NUP188: variants seen among roughly 807,000 people sequenced by gnomAD.
NUP188 encodes the protein nucleoporin NUP188.
A neutral mutation model predicts 223.0 loss-of-function variants in NUP188; 97 were observed. The observed-to-expected ratio is 0.43, with a 90% CI of 0.37 to 0.51. The LOEUF is 0.51. Among genes scored for constraint, NUP188 ranks in the 20% least tolerant of loss-of-function variants. The pLI, the probability that NUP188 is intolerant of heterozygous loss-of-function variation, is 0.00. For missense variants in NUP188, 1,947 were observed against 2,175.6 expected (o/e 0.89, Z 2.09); for synonymous variants, 869 against 828.0 (o/e 1.05, Z -0.85).
chr9:128,986,005 C>T (rs1303774804), intron 20 of NUP188, among the ~76,000 whole-genome samples: 1 of 152,050 alleles, frequency 6.6e-6, no homozygotes, highest in East Asian at 1.9e-4. Flanking sequence ...CGCCATTGCA[C>T]TCCAGCCTAG....
chr9:128,948,918 G>A (rs1018865097), intron 1 of NUP188: 9 of 226,506 alleles, frequency 4.0e-5, no homozygotes, highest in African/African-American at 2.1e-4. Flanking sequence ...GTAGAGACAG[G>A]GTTTCACTGT....
chr9:128,976,720 G>A (rs1260020862), intron 12 of NUP188, among the ~76,000 whole-genome samples: 3 of 151,764 alleles, frequency 2.0e-5, no homozygotes, highest in Admixed American at 2.0e-4. Flanking sequence ...ATAGAACAAG[G>A]TTTGTGTACT....
At chr9:128,957,113 C>A in intron 5 of NUP188, 81 bp downstream of exon 5, 3 of 975,102 alleles carry the variant, frequency 3.1e-6, no homozygotes, top group South Asian at 3.1e-5. Context: ...ATTTTGGCAC[C>A]AATTCTTTTA....
At chr9:128,949,392 G>A in intron 2 of NUP188, 149 bp downstream of exon 2, 2 of 597,488 alleles carry the variant, frequency 3.3e-6, no homozygotes, top group Non-Finnish European at 6.0e-6. Context: ...GAGTGCAATG[G>A]CGTGATCTCG....
chr9:128,971,902 G>A (rs896195531), intron 11 of NUP188, among the ~76,000 whole-genome samples: 1 of 152,120 alleles, frequency 6.6e-6, no homozygotes, highest in Non-Finnish European at 1.5e-5. Context: ...CTCCCAAGTA[G>A]CTGGGATTAC....
intron 11 of NUP188, among the ~76,000 whole-genome samples, chr9:128,971,217 A>G (rs1842100238): frequency 6.6e-6 from 1 of 152,190 alleles, no homozygotes; most frequent in African/African-American, 2.4e-5. Flanking sequence ...TAATTTGCCC[A>G]AAGCAACAAA....
At chr9:128,979,154 T>G in intron 12 of NUP188, 108 bp from the exon 13 acceptor site, 1 of 726,314 alleles carries the variant, frequency 1.4e-6, no homozygotes. Context: ...TCTTCCCACT[T>G]TAGTGTTTAT....
chr9:128,975,457 C>T (rs1412878343), intron 12 of NUP188, among the ~76,000 whole-genome samples: 3 of 151,298 alleles, frequency 2.0e-5, no homozygotes, highest in Admixed American at 1.3e-4. Context: ...TTCCTGACCT[C>T]GTGATCCGCC....
chr9:128,969,201 G>A (rs12337718), intron 9 of NUP188, among the ~76,000 whole-genome samples, 199 bp from the exon 10 acceptor site: 5,903 of 152,172 alleles, frequency 0.039, 376 homozygotes, highest in African/African-American at 0.13. Context: ...GTGTCACTTT[G>A]TTGTCCAAGA....
At chr9:128,971,943 T>C (rs900356583) in intron 11 of NUP188, among the ~76,000 whole-genome samples, 1 of 152,110 alleles carries the variant, frequency 6.6e-6, no homozygotes, top group Non-Finnish European at 1.5e-5. Context: ...GGCTATTTTT[T>C]GTATTTGTAG....
intron 38 of NUP188, 112 bp downstream of exon 38, chr9:129,003,566 CT>C: frequency 1.5e-6 from 2 of 1,303,590 alleles, no homozygotes; most frequent in Non-Finnish European, 2.2e-6. Context: ...TGAACGGGGG[CT>C]TTTCCCTTGG....
intron 41 of NUP188, 50 bp from the exon 42 acceptor site, chr9:129,006,000 A>C: frequency 6.3e-7 from 1 of 1,596,708 alleles, no homozygotes. Flanking sequence ...GCTCTCAGTA[A>C]GTGGGAGCTG....
chr9:128,954,381 GTCT>G (rs1328765304), intron 3 of NUP188, among the ~76,000 whole-genome samples: 94 of 124,248 alleles, frequency 7.6e-4, no homozygotes, highest in Non-Finnish European at 1.2e-3. Flanking sequence ...CAATGTCTTA[GTCT>G]TTTTTTTTTT....
At chr9:128,998,673 G>A (rs751217562) in intron 32 of NUP188, 50 bp downstream of exon 32, 2 of 1,431,216 alleles carry the variant, frequency 1.4e-6, no homozygotes, top group Admixed American at 1.7e-5. Context: ...CTTCTTGTCA[G>A]TGCCTGCTTG....
intron 34 of NUP188, 93 bp from the exon 35 acceptor site, chr9:129,001,436 G>A (rs1842663953): frequency 3.5e-6 from 4 of 1,129,626 alleles, no homozygotes; most frequent in Non-Finnish European, 5.3e-6. Flanking sequence ...GTGTAACCAA[G>A]CAGGTCTTGG....
chr9:129,006,325 C>T lies in NUP188; in HGVS notation c.5030C>T (p.Pro1677Leu), dbSNP rs950871330. ...MRYLRDPAVHPRDKQRMKQEL... is the reference protein window; with the variant it reads ...MRYLRDPAVHLRDKQRMKQEL... Reference sequence around the variant, plus strand: ...TACCTTAGGGACCCGGCTGTGCACCCCCGGGACAAACAGCGGATGAAGCAG... The same window carrying T: ...TACCTTAGGGACCCGGCTGTGCACCTCCGGGACAAACAGCGGATGAAGCAG... Residue 1677 changes from proline to leucine, a missense_variant, in exon 43 of 44, where the codon CCC becomes CTC. Transcript: ENST00000372577. 5 of 1,614,074 alleles carry T rather than the reference C, an allele frequency of 3.1e-6. No individual in the cohort carries two copies. The highest frequency in any genetic ancestry group is 4.2e-6 in the Non-Finnish European group (5 of 1,180,046).
chr9:128,959,140 T>C lies in NUP188; in HGVS notation c.585+6T>C. 6.3e-7 allele frequency: 1 copy of C among 1,580,450 alleles called. No individual in the cohort carries two copies. The highest frequency in any genetic ancestry group is 8.6e-7 in the Non-Finnish European group (1 of 1,165,486). ...AGACACATGGAAATCTCATGGTATG[T>C]GGTTACTGTGCTCTCCTGTAACTTT... On this transcript the variant is annotated splice_donor_region_variant and intron_variant, in intron 8 of 43. Coordinates refer to ENST00000372577, the MANE Select transcript of NUP188 (RefSeq NM_015354.3).
At chr9:128,963,207 G>T (rs557121585) in intron 8 of NUP188, among the ~76,000 whole-genome samples, 1 of 151,800 alleles carries the variant, frequency 6.6e-6, no homozygotes, top group African/African-American at 2.4e-5. Flanking sequence ...TAGCATATGG[G>T]TTTTTTGACA....
intron 25 of NUP188, among the ~76,000 whole-genome samples, chr9:128,990,726 A>G (rs2131174899): frequency 6.6e-6 from 1 of 152,318 alleles, no homozygotes; most frequent in Non-Finnish European, 1.5e-5. Flanking sequence ...TTAGCCAGGC[A>G]TTATGGCAGG....
Sources: allele counts gnomAD v4.1 joint callset (sites outside exome capture counted in the v4.1 genomes callset), GRCh38; gene constraint gnomAD v4.1.1; transcripts MANE v1.5; gene names NCBI Gene and HGNC (gene_info 2026-07-23, HGNC 2026-07-21).